F5: variants seen among roughly 807,000 people sequenced by gnomAD.
The protein encoded by F5 is coagulation factor V.
A neutral mutation model predicts 216.4 loss-of-function variants in F5; 138 were observed. The ratio of observed to expected loss-of-function variants is 0.64; its 90% confidence interval spans 0.56 to 0.73. F5 has a LOEUF of 0.73. Ranked by LOEUF, F5 falls within the 30% of genes least tolerant of loss-of-function variation. The probability of loss-of-function intolerance (pLI) is 0.00; values close to 1 mark genes in which losing one functional copy is unlikely to be tolerated. For missense variants in F5, 2,403 were observed against 2,674.0 expected (o/e 0.90, Z 2.24); for synonymous variants, 916 against 930.7 (o/e 0.98, Z 0.29).
intron 2 of F5, 134 bp from the exon 3 acceptor site, chr1:169,572,477 T>C: frequency 1.9e-6 from 2 of 1,035,752 alleles, no homozygotes; most frequent in Middle Eastern, 4.5e-4. Flanking sequence ...GACTCACTTA[T>C]TTTCAATCTA....
chr1:169,555,316 G>A lies in F5; in HGVS notation c.984C>T (p.Asn328=). ...AGMQAYIDIK[N]CPKKTRNLKK... is the part of the protein sequence containing the mutation. ...TAAGATTCCTGGTTTTCTTTGGGCA[G>A]TTTTTAATGTCAATGTAAGCCTGCA... The change falls in exon 7 of 25, where the codon AAC becomes AAT. Residue 328 remains asparagine, a synonymous_variant. Coordinates refer to ENST00000367797, the MANE Select transcript of F5 (RefSeq NM_000130.5). The A allele has an allele frequency of 6.2e-7, 1 of 1,614,068 alleles. No individual in the cohort carries two copies. Among genetic ancestry groups the A allele is most frequent in the Admixed American group, 1.7e-5 (1 of 60,010 alleles).
Position 169,513,145 on chromosome 1 carries a change from T to A in F5, c.*1168A>T, listed in dbSNP as rs1437191659. ...GTCTGAGAGATTGTTATGAATTTCG[T>A]TGATAAAATTTTATATATTTATGGT... On this transcript the variant is annotated 3_prime_UTR_variant, in exon 25 of 25. Transcript: ENST00000367797. Among the ~76,000 whole-genome samples, 1 of 152,116 alleles carries A rather than the reference T, an allele frequency of 6.6e-6. No homozygotes were observed. Among genetic ancestry groups the A allele is most frequent in the Admixed American group, 6.6e-5 (1 of 15,242 alleles).
rs780166116 is a variant in F5, at chr1:169,543,117, A to G, written c.1976-3T>C. 1.2e-6 allele frequency: 2 copies of G among 1,612,584 alleles called. No individual in the cohort carries two copies. Among genetic ancestry groups the G allele is most frequent in the South Asian group, 2.2e-5 (2 of 91,070 alleles). ...CATGGAAGTTAACATCCAAGTTCCTACAGAAGAGAGACAGACAGAAGAGAG... is the reference window on the plus strand; with the variant it reads ...CATGGAAGTTAACATCCAAGTTCCTGCAGAAGAGAGACAGACAGAAGAGAG... On this transcript the variant is annotated splice_polypyrimidine_tract_variant and splice_region_variant and intron_variant, in intron 12 of 24. Coordinates refer to ENST00000367797, the MANE Select transcript of F5 (RefSeq NM_000130.5).
intron 7 of F5, 40 bp from the exon 8 acceptor site, chr1:169,552,774 A>G (rs935859956): frequency 6.9e-7 from 1 of 1,459,538 alleles, no homozygotes; most frequent in Non-Finnish European, 9.6e-7. Context: ...ACTTTCTCAA[A>G]TAGAGATCTC....
At chr1:169,537,531 T>C (rs1659734973) in intron 13 of F5, among the ~76,000 whole-genome samples, 1 of 151,988 alleles carries the variant, frequency 6.6e-6, no homozygotes, top group Non-Finnish European at 1.5e-5. Context: ...GCAAAGGAAA[T>C]AACAGAGTGA....
At chr1:169,537,579 C>A (rs1659736101) in intron 13 of F5, among the ~76,000 whole-genome samples, 1 of 151,922 alleles carries the variant, frequency 6.6e-6, no homozygotes, top group African/African-American at 2.4e-5. Context: ...TTCTTGAAAA[C>A]CAGATATCTG....
At position 169,546,207 on chromosome 1, in the gene F5, A is replaced by G. The variant is rs1410571971; in HGVS notation, c.1762+235T>C. ...CACACACACACACACACACACACAC[A>G]CGCTTGGAATAGAAGATCAAACGCA... is the stretch of plus-strand genomic sequence containing the variant. On this transcript the variant is annotated intron_variant, in intron 11 of 24. Coordinates refer to ENST00000367797, the MANE Select transcript of F5 (RefSeq NM_000130.5). 8.9e-5 allele frequency among the ~76,000 whole-genome samples: 13 copies of G among 146,878 alleles called. No individual in the cohort carries two copies. The East Asian group carries it at 2.6e-3, about 29-fold the overall frequency.
chr1:169,539,986 T>C (rs12138778), intron 13 of F5, among the ~76,000 whole-genome samples: 79 of 152,186 alleles, frequency 5.2e-4, no homozygotes, highest in Non-Finnish European at 1.0e-3. Context: ...TATGGATAGG[T>C]TGGGCTCTGC....
chr1:169,520,787 T>C, intron 21 of F5, 123 bp from the exon 22 acceptor site: 1 of 834,980 alleles, frequency 1.2e-6, no homozygotes, highest in African/African-American at 1.7e-5. Flanking sequence ...TAAATCAATT[T>C]GGTTATAAAA....
intron 3 of F5, among the ~76,000 whole-genome samples, chr1:169,566,411 G>A (rs974245924): frequency 1.3e-5 from 2 of 152,024 alleles, no homozygotes; most frequent in South Asian, 2.1e-4. Flanking sequence ...CTGGGTAAAT[G>A]TGTGCTCATT....
intron 21 of F5, among the ~76,000 whole-genome samples, chr1:169,521,428 G>A (rs1475098316): frequency 6.6e-6 from 1 of 152,136 alleles, no homozygotes; most frequent in Admixed American, 6.6e-5. Context: ...GGTGGCAATG[G>A]AGTGGGGAAC....
At position 169,540,777 on chromosome 1, in the gene F5, A is replaced by C; in HGVS notation, c.4313T>G (p.Leu1438Arg). ...GGTGGTGTCACTGATGTCTGGAGAGAGAGTCACCTGGCTGAGGTCTGGGGA... is the reference window on the plus strand; with the variant it reads ...GGTGGTGTCACTGATGTCTGGAGAGCGAGTCACCTGGCTGAGGTCTGGGGA... ...SLSPDLSQVTLSPDISDTTLL... is the reference protein window; with the variant it reads ...SLSPDLSQVTRSPDISDTTLL... Residue 1438 changes from leucine to arginine, a missense_variant, in exon 13 of 25, where the codon CTC becomes CGC. Coordinates refer to ENST00000367797, the MANE Select transcript of F5 (RefSeq NM_000130.5). 1 of 1,614,026 alleles carries C rather than the reference A, an allele frequency of 6.2e-7. No individual in the cohort carries two copies. Among genetic ancestry groups the C allele is most frequent in the Non-Finnish European group, 8.5e-7 (1 of 1,179,998 alleles).
chr1:169,526,544 T>C (rs916070296), intron 17 of F5, among the ~76,000 whole-genome samples: 1 of 152,196 alleles, frequency 6.6e-6, no homozygotes, highest in Non-Finnish European at 1.5e-5. Context: ...CCTCTGGCTA[T>C]CCATTCTGGT....
chr1:169,571,361 A>G (rs1660718525), intron 3 of F5, among the ~76,000 whole-genome samples: 1 of 152,178 alleles, frequency 6.6e-6, no homozygotes, highest in Non-Finnish European at 1.5e-5. Context: ...GACTTCATTT[A>G]AATTTCAGGC....
rs115148599 is a variant in F5 at position 169,540,781 on chromosome 1, T to A, written c.4309A>T (p.Thr1437Ser). 5.4e-4 allele frequency: 873 copies of A among 1,613,552 alleles called. 2 individuals are homozygous for A. The highest frequency in any genetic ancestry group is 7.1e-4 in the Non-Finnish European group (836 of 1,179,874). The change falls in exon 13 of 25, where the codon ACT becomes TCT. Residue 1437 changes from threonine (T) to serine (S), a missense_variant. Around this residue, in one of 4 missense-constraint regions of F5, gnomAD observed 293 missense variants for 270.8 expected, o/e 1.08. Coordinates refer to ENST00000367797, the MANE Select transcript of F5 (RefSeq NM_000130.5). Reference protein sequence around the residue: ...MSLSPDLSQVTLSPDISDTTL... With the variant: ...MSLSPDLSQVSLSPDISDTTL... ...GTGTCACTGATGTCTGGAGAGAGAG[T>A]CACCTGGCTGAGGTCTGGGGAAAGG...
intron 7 of F5, among the ~76,000 whole-genome samples, chr1:169,554,468 G>A (rs6427200): frequency 0.43 from 64,571 of 151,926 alleles, 14,370 homozygotes; most frequent in African/African-American, 0.57. Context: ...GGACATTTTG[G>A]GTTGTTTCCA....
rs1894694 is a variant in F5 at position 169,546,143 on chromosome 1, T to C, written c.1762+299A>G. Among the ~76,000 whole-genome samples, 60,113 of 151,614 alleles carry C rather than the reference T, an allele frequency of 0.4. 12,958 individuals carry two copies. Among genetic ancestry groups the C allele is most frequent in the East Asian group, 0.9 (4,619 of 5,160 alleles). On this transcript the variant is annotated intron_variant, in intron 11 of 24. Coordinates refer to ENST00000367797, the MANE Select transcript of F5 (RefSeq NM_000130.5). ...ATAACACCTTCCATTAGTCCTACTCTCTCACCCTTTTCCTCACCACGCAGA... is the reference window on the plus strand; with the variant it reads ...ATAACACCTTCCATTAGTCCTACTCCCTCACCCTTTTCCTCACCACGCAGA...
At chr1:169,526,184 A>G (rs1199971209) in intron 17 of F5, among the ~76,000 whole-genome samples, 167 bp from the exon 18 acceptor site, 1 of 152,186 alleles carries the variant, frequency 6.6e-6, no homozygotes, top group Non-Finnish European at 1.5e-5. Flanking sequence ...AAACAAAACA[A>G]TAACAACACA....
At position 169,514,036 on chromosome 1, in the gene F5, T is replaced by C; in HGVS notation, c.*277A>G. ...ACTACATAAATATTACTTCATAGCA[T>C]TTTCAATCATTAAGAAAGATAAGCC... On this transcript the variant is annotated 3_prime_UTR_variant, in exon 25 of 25. Transcript: ENST00000367797. 1 of 399,486 alleles carries C rather than the reference T, an allele frequency of 2.5e-6. No individual in the cohort carries two copies. Among genetic ancestry groups the C allele is most frequent in the Non-Finnish European group, 4.5e-6 (1 of 220,912 alleles). 24.7% of individuals were successfully genotyped at this position (399,486 alleles called of 1,614,324 possible).
Sources: allele counts gnomAD v4.1 joint callset (sites outside exome capture counted in the v4.1 genomes callset), GRCh38; gene constraint gnomAD v4.1.1; regional missense constraint gnomAD v4.1.1; transcripts MANE v1.5; gene names NCBI Gene and HGNC (gene_info 2026-07-23, HGNC 2026-07-21).